The following CACNA1C variants were observed in gnomAD, a reference collection of about 807,000 sequenced individuals.
The protein encoded by CACNA1C is voltage-dependent L-type calcium channel subunit alpha-1C.
Under a neutral mutation model 229.0 loss-of-function variants are expected in CACNA1C, and 30 were observed. The ratio of observed to expected loss-of-function variants is 0.13; its 90% confidence interval spans 0.10 to 0.18. The LOEUF (loss-of-function observed/expected upper bound fraction) is 0.18, where lower values mean the gene tolerates loss of function less well. Ranked by LOEUF, CACNA1C falls within the 10% of genes least tolerant of loss-of-function variation. CACNA1C has a pLI of 1.00. For missense variants in CACNA1C, 1,658 were observed against 2,845.0 expected, an observed-to-expected ratio of 0.58 and a Z score of 9.49; for synonymous variants, 1,114 against 1,132.5, an observed-to-expected ratio of 0.98 and a Z score of 0.33.
At chr12:2,594,376 A>G (rs1445673149) in intron 19 of CACNA1C, among the ~76,000 whole-genome samples, 1 of 152,176 alleles carries the variant, frequency 6.6e-6, no homozygotes, top group Non-Finnish European at 1.5e-5. Context: ...AGGGTCTTAC[A>G]TATCTTTCAT....
chr12:2,468,768 C>T (rs774828303), intron 5 of CACNA1C, among the ~76,000 whole-genome samples: 25 of 152,264 alleles, frequency 1.6e-4, no homozygotes, highest in Non-Finnish European at 7.3e-5. Flanking sequence ...GCACTCCGGC[C>T]TGCCGGTGAG....
At chr12:2,325,006 A>G (rs927136932) in intron 3 of CACNA1C, among the ~76,000 whole-genome samples, 9 of 152,214 alleles carry the variant, frequency 5.9e-5, no homozygotes, top group African/African-American at 2.2e-4. Context: ...AATGACTGAC[A>G]AAAGAGGTTA....
intron 3 of CACNA1C, among the ~76,000 whole-genome samples, chr12:2,167,610 G>C (rs1427273984): frequency 6.6e-6 from 1 of 152,182 alleles, no homozygotes; most frequent in Non-Finnish European, 1.5e-5. Context: ...GGGTTGCTTG[G>C]AATCTGCCCC....
chr12:2,408,374 A>G (rs890743383), intron 3 of CACNA1C, among the ~76,000 whole-genome samples: 1 of 152,242 alleles, frequency 6.6e-6, no homozygotes, highest in Non-Finnish European at 1.5e-5. Flanking sequence ...TACACTTAAA[A>G]ATGGCTAACG....
chr12:2,371,294 C>T (rs990213416), intron 3 of CACNA1C, among the ~76,000 whole-genome samples: 1 of 152,108 alleles, frequency 6.6e-6, no homozygotes, highest in African/African-American at 2.4e-5. Flanking sequence ...GAGGCTTCAT[C>T]GGGCAGAAGT....
chr12:2,539,017 A>C (rs2099862536), intron 9 of CACNA1C, among the ~76,000 whole-genome samples: 1 of 152,180 alleles, frequency 6.6e-6, no homozygotes, highest in African/African-American at 2.4e-5. Flanking sequence ...GGGGCTGAAA[A>C]AGGCCTGGAC....
chr12:2,076,515 C>T (rs573969916), intron 1 of CACNA1C, among the ~76,000 whole-genome samples: 1 of 152,036 alleles, frequency 6.6e-6, no homozygotes, highest in East Asian at 1.9e-4. Context: ...TACCTCCCCC[C>T]TCCCTTCCTC....
At chr12:2,001,349 T>A (rs1054750256) in intron 1 of CACNA1C, among the ~76,000 whole-genome samples, 2 of 152,194 alleles carry the variant, frequency 1.3e-5, no homozygotes, top group Non-Finnish European at 2.9e-5. Context: ...CCTGGGGTAT[T>A]TTAGCTTAAA....
chr12:2,241,469 G>A (rs997970073), intron 3 of CACNA1C, among the ~76,000 whole-genome samples: 2 of 152,174 alleles, frequency 1.3e-5, no homozygotes, highest in East Asian at 1.9e-4. Flanking sequence ...CGTGTGGGAT[G>A]GGATCAATTG....
chr12:2,372,014 G>A (rs1251323930), intron 3 of CACNA1C, among the ~76,000 whole-genome samples: 1 of 152,170 alleles, frequency 6.6e-6, no homozygotes, highest in Non-Finnish European at 1.5e-5. Context: ...CTTCAGAATG[G>A]CCCATAATTA....
At chr12:2,355,808 C>A (rs1446796623) in intron 3 of CACNA1C, among the ~76,000 whole-genome samples, 1 of 152,186 alleles carries the variant, frequency 6.6e-6, no homozygotes, top group Non-Finnish European at 1.5e-5. Context: ...GGGGATGCTG[C>A]TGAAGAGCCT....
intron 29 of CACNA1C, among the ~76,000 whole-genome samples, chr12:2,623,181 T>C (rs1178640135): frequency 2.0e-5 from 3 of 152,156 alleles, no homozygotes; most frequent in Non-Finnish European, 4.4e-5. Flanking sequence ...GTTTAGGATT[T>C]GGGATGAAAG....
At chr12:2,414,714 A>G (rs1312396676) in intron 3 of CACNA1C, among the ~76,000 whole-genome samples, 1 of 152,052 alleles carries the variant, frequency 6.6e-6, no homozygotes, top group African/African-American at 2.4e-5. Flanking sequence ...GAAGTCCTGT[A>G]GCAAAGAAAC....
chr12:2,632,011 T>C lies in CACNA1C; in HGVS notation c.3829-2286T>C, dbSNP rs2153560357. 6.6e-6 allele frequency among the ~76,000 whole-genome samples: 1 copy of C among 151,270 alleles called. No homozygotes were observed. Among genetic ancestry groups the C allele is most frequent in the East Asian group, 2.0e-4 (1 of 5,086 alleles). On this transcript the variant is annotated intron_variant, in intron 29 of 46. Transcript: ENST00000399655. This position sits in a 1 kb window ranked among gnomAD's most constrained non-coding sequence, Gnocchi z 4.1. ...GTGAGTAAAAAATGAAGAGGAAAAG[T>C]TGGCAGCCTTCAAGTGAGCTGGGGA...
intron 1 of CACNA1C, among the ~76,000 whole-genome samples, chr12:2,003,580 T>A (rs1274280204): frequency 6.6e-6 from 1 of 152,174 alleles, no homozygotes; most frequent in African/African-American, 2.4e-5. Context: ...ATGAGGAAAA[T>A]GAAATTTCAT....
chr12:2,151,361 T>TG (rs1463272458), intron 3 of CACNA1C, among the ~76,000 whole-genome samples: 1 of 134,736 alleles, frequency 7.4e-6, no homozygotes, highest in East Asian at 2.0e-4. Flanking sequence ...CAGTGGTAGC[T>TG]GAAAAAAAAA....
Position 2,285,077 on chromosome 12 carries a change from G to T in CACNA1C, c.478-163899G>T, listed in dbSNP as rs1237476662. Among the ~76,000 whole-genome samples, 1 of 152,258 alleles carries T rather than the reference G, an allele frequency of 6.6e-6. No individual in the cohort carries two copies. The highest frequency in any genetic ancestry group is 2.1e-4 in the South Asian group (1 of 4,824). On this transcript the variant is annotated intron_variant, in intron 3 of 46. Coordinates refer to ENST00000399655, the MANE Select transcript of CACNA1C (RefSeq NM_000719.7). This position sits in a 1 kb window ranked among gnomAD's most constrained non-coding sequence, Gnocchi z 4.2. ...CTGGCATCTCTCCTGCTCTCTGGGA[G>T]GAGGGACGGGCCGCTAAGTGCTGAC...
At chr12:2,389,074 C>G (rs1270569671) in intron 3 of CACNA1C, among the ~76,000 whole-genome samples, 2 of 152,042 alleles carry the variant, frequency 1.3e-5, no homozygotes, top group East Asian at 3.9e-4. Flanking sequence ...CCAGCGTAGA[C>G]AGAGCTAGTA....
At chr12:2,690,751 C>T (rs1439546883) in intron 46 of CACNA1C, 149 bp from the exon 47 acceptor site, 2 of 720,898 alleles carry the variant, frequency 2.8e-6, no homozygotes, top group African/African-American at 3.6e-5. Flanking sequence ...CATGGGTGCC[C>T]CTCCCAACAC....
Sources: allele counts gnomAD v4.1 joint callset (sites outside exome capture counted in the v4.1 genomes callset), GRCh38; gene constraint gnomAD v4.1.1; non-coding constraint Gnocchi (gnomAD v3.1); transcripts MANE v1.5; gene names NCBI Gene and HGNC (gene_info 2026-07-23, HGNC 2026-07-21).